SLC4A4: variants seen among roughly 807,000 people sequenced by gnomAD.
SLC4A4 encodes solute carrier family 4 member 4, also known as electrogenic sodium bicarbonate cotransporter 1.
A neutral mutation model predicts 111.5 loss-of-function variants in SLC4A4; 27 were observed. The ratio of observed to expected loss-of-function variants is 0.24; its 90% CI spans 0.18 to 0.33. SLC4A4 has a LOEUF of 0.33. SLC4A4 is among the 10% of genes least tolerant of loss of function. The pLI is 1.00. For synonymous variants in SLC4A4, 443 were observed against 463.4 expected (o/e 0.96, Z 0.57); for missense variants, 909 against 1,315.5 (o/e 0.69, Z 4.78).
chr4:71,390,294 A>AAATGG (rs1719141357), intron 6 of SLC4A4, among the ~76,000 whole-genome samples: 1 of 152,198 alleles, frequency 6.6e-6, no homozygotes. Context: ...TTAGTGAGTG[A>AAATGG]AATGGGAAGA....
intron 14 of SLC4A4, among the ~76,000 whole-genome samples, chr4:71,479,840 C>T (rs1728708964): frequency 6.6e-6 from 1 of 151,628 alleles, no homozygotes; most frequent in Non-Finnish European, 1.5e-5. Context: ...CTGCATAATG[C>T]TTGCCGGAAT....
rs760037325 is a variant in SLC4A4, at chr4:71,536,485, T to TATATAA, written c.2442+2099_2442+2100insATAAAT. On this transcript the variant is annotated intron_variant, in intron 18 of 25. Coordinates refer to ENST00000264485, the MANE Select transcript of SLC4A4 (RefSeq NM_001098484.3). Reference sequence around the variant, plus strand: ...ATATACATATATATATATATATATATATGTATATATTTATTTATTTATTTA... The same window carrying TATATAA: ...ATATACATATATATATATATATATATATATAAATGTATATATTTATTTATTTATTTA... 6.2e-3 allele frequency among the ~76,000 whole-genome samples: 521 copies of TATATAA among 83,988 alleles called. 16 individuals carry two copies. The highest frequency in any genetic ancestry group is 0.054 in the East Asian group (86 of 1,582). The allele number at this position is 83,988 out of a possible 152,430, so 55.1% of individuals were successfully genotyped here. A position where few individuals can be genotyped will look rare whatever the true frequency, so the allele number is the denominator to read the frequency against.
intron 14 of SLC4A4, among the ~76,000 whole-genome samples, chr4:71,480,525 C>T (rs1157251716): frequency 6.6e-6 from 1 of 151,574 alleles, no homozygotes; most frequent in African/African-American, 2.4e-5. Flanking sequence ...CTTTATTGAC[C>T]TAGAAATTAA....
At chr4:71,195,664 G>C (rs1308699598) in intron 1 of SLC4A4, among the ~76,000 whole-genome samples, 1 of 152,132 alleles carries the variant, frequency 6.6e-6, no homozygotes. Context: ...ATGCATCCAG[G>C]CGTGCCTGGT....
intron 2 of SLC4A4, among the ~76,000 whole-genome samples, chr4:71,114,765 G>A (rs1229200729): frequency 7.7e-6 from 1 of 129,956 alleles, no homozygotes; most frequent in Non-Finnish European, 1.6e-5. Context: ...AACCATTGTG[G>A]AAGTCAGTGT....
Position 71,571,330 on chromosome 4 carries a change from A to T in SLC4A4, c.*3579A>T, listed in dbSNP as rs532865700. ...GATTTTCTGATTTATATTTCATGAT[A>T]TTTCACATTTGCTCTTCACAGCATG... On this transcript the variant is annotated 3_prime_UTR_variant, in exon 26 of 26. Transcript: ENST00000264485. 27 of 152,340 alleles carry T rather than the reference A, an allele frequency of 1.8e-4. No individual in the cohort carries two copies. The highest frequency in any genetic ancestry group is 5.3e-4 in the Admixed American group (8 of 15,206). 9.4% of individuals were successfully genotyped at this position (152,340 alleles called of 1,614,324 possible). A position where few individuals can be genotyped will look rare whatever the true frequency, so the allele number is the denominator to read the frequency against.
intron 6 of SLC4A4, among the ~76,000 whole-genome samples, chr4:71,362,601 C>T (rs1241574634): frequency 6.6e-6 from 1 of 152,208 alleles, no homozygotes; most frequent in Non-Finnish European, 1.5e-5. Context: ...CTGATTTATT[C>T]CCTCTGCCCT....
At chr4:71,177,964 A>T (rs1745151479) in intron 2 of SLC4A4, among the ~76,000 whole-genome samples, 1 of 152,248 alleles carries the variant, frequency 6.6e-6, no homozygotes, top group African/African-American at 2.4e-5. Context: ...AAGAACAGAA[A>T]TTATAACAAA....
chr4:71,313,113 A>T (rs191108704), intron 3 of SLC4A4, among the ~76,000 whole-genome samples: 22 of 152,362 alleles, frequency 1.4e-4, no homozygotes, highest in Non-Finnish European at 2.9e-4. Context: ...CAAAAATCAC[A>T]AGCATTCCCA....
intron 14 of SLC4A4, among the ~76,000 whole-genome samples, chr4:71,477,938 C>T (rs1728518745): frequency 6.6e-6 from 1 of 151,852 alleles, no homozygotes; most frequent in African/African-American, 2.4e-5. Flanking sequence ...AACAAACAAT[C>T]CCATCAAAAA....
chr4:71,557,650 T>A lies in SLC4A4; in HGVS notation c.2764-62T>A, dbSNP rs1156723138. 2.7e-6 allele frequency: 4 copies of A among 1,490,394 alleles called. No homozygotes were observed. In the East Asian group the frequency reaches 9.1e-5, roughly 34 times the overall value. 92.3% of individuals were successfully genotyped at this position (1,490,394 alleles called of 1,614,324 possible). A position where few individuals can be genotyped will look rare whatever the true frequency, so the allele number is the denominator to read the frequency against. On this transcript the variant is annotated intron_variant, in intron 21 of 25. Coordinates refer to ENST00000264485, the MANE Select transcript of SLC4A4 (RefSeq NM_001098484.3). ...TAGAATATAAATCAGTAGTGATTAG[T>A]TAGGCATAGTGGAAATGTAATGCAG...
Position 71,339,362 on chromosome 4 carries a change from T to A in SLC4A4, c.254-8T>A. The A allele has an allele frequency of 6.2e-7, 1 of 1,614,166 alleles. No homozygotes were observed. Among genetic ancestry groups the A allele is most frequent in the Non-Finnish European group, 8.5e-7 (1 of 1,180,034 alleles). ...CAATGTTTAACCACAGTATTTTCAC[T>A]TCTGCAGTCTCTCCTGCTGCAGAAC... On this transcript the variant is annotated splice_region_variant and splice_polypyrimidine_tract_variant and intron_variant, in intron 3 of 25. Coordinates refer to ENST00000264485, the MANE Select transcript of SLC4A4 (RefSeq NM_001098484.3).
At chr4:71,437,022 G>T (rs779910564) in intron 7 of SLC4A4, 7 of 366,716 alleles carry the variant, frequency 1.9e-5, no homozygotes, top group African/African-American at 4.4e-5. Flanking sequence ...CTACAGATAG[G>T]CCAATGGTCC....
intron 2 of SLC4A4, among the ~76,000 whole-genome samples, chr4:71,132,165 T>G (rs1349560687): frequency 6.6e-6 from 1 of 152,228 alleles, no homozygotes; most frequent in African/African-American, 2.4e-5. Flanking sequence ...TAGGATTGCT[T>G]TAAAAATCAC....
chr4:71,415,485 T>A (rs1169813509), intron 7 of SLC4A4, among the ~76,000 whole-genome samples: 1 of 152,208 alleles, frequency 6.6e-6, no homozygotes, highest in Non-Finnish European at 1.5e-5. Context: ...TTAACCTTAC[T>A]TTACAGATGA....
intron 1 of SLC4A4, among the ~76,000 whole-genome samples, chr4:71,225,926 CACTG>C (rs1323285419): frequency 6.6e-6 from 1 of 152,202 alleles, no homozygotes; most frequent in Non-Finnish European, 1.5e-5. Flanking sequence ...AATAATTTAT[CACTG>C]ACTGTGTATA....
chr4:71,147,412 G>C (rs756144917), intron 2 of SLC4A4, among the ~76,000 whole-genome samples: 32 of 152,086 alleles, frequency 2.1e-4, no homozygotes, highest in Non-Finnish European at 4.6e-4. Flanking sequence ...ATGATGGTCA[G>C]TGAGTAATAG....
At chr4:71,219,103 G>A (rs1718592368) in intron 1 of SLC4A4, among the ~76,000 whole-genome samples, 1 of 152,200 alleles carries the variant, frequency 6.6e-6, no homozygotes, top group South Asian at 2.1e-4. Flanking sequence ...GAAAGGAAGA[G>A]TAGCACGTCT....
At chr4:71,469,016 T>C (rs878969940) in intron 13 of SLC4A4, among the ~76,000 whole-genome samples, 1 of 151,996 alleles carries the variant, frequency 6.6e-6, no homozygotes, top group Admixed American at 6.6e-5. Context: ...TGGAGAATTA[T>C]AAAGGAATAT....
Sources: allele counts gnomAD v4.1 joint callset (sites outside exome capture counted in the v4.1 genomes callset), GRCh38; gene constraint gnomAD v4.1.1; transcripts MANE v1.5; gene names NCBI Gene and HGNC (gene_info 2026-07-23, HGNC 2026-07-21).